The following ANKRD44 variants were observed in gnomAD, a reference collection of about 807,000 sequenced individuals.
The protein encoded by ANKRD44 is ankyrin repeat domain 44.
ANKRD44 carries 35 observed loss-of-function variants against 116.0 expected under a neutral mutation model. That is an observed-to-expected ratio of 0.30 (90% CI 0.23 to 0.40). ANKRD44 has a LOEUF of 0.40. Among genes scored for constraint, ANKRD44 ranks in the 10% least tolerant of loss-of-function variants. The pLI is 1.00. For synonymous variants in ANKRD44, 435 were observed against 461.8 expected (o/e 0.94, Z 0.74); for missense variants, 1,014 against 1,242.6 (o/e 0.82, Z 2.77).
At chr2:197,227,607 AAAC>A (rs2081748413) in intron 1 of ANKRD44, among the ~76,000 whole-genome samples, 2 of 151,912 alleles carry the variant, frequency 1.3e-5, no homozygotes, top group African/African-American at 4.8e-5. Flanking sequence ...TTACCAAAAA[AAAC>A]AAAAATCCTT....
At chr2:197,130,832 C>A (rs181576105) in intron 4 of ANKRD44, among the ~76,000 whole-genome samples, 3 of 152,282 alleles carry the variant, frequency 2.0e-5, no homozygotes, top group Non-Finnish European at 4.4e-5. Context: ...AAAATTTCAA[C>A]TGTAAAATAA....
intron 1 of ANKRD44, among the ~76,000 whole-genome samples, chr2:197,205,106 G>C (rs1186128994): frequency 6.6e-6 from 1 of 152,234 alleles, no homozygotes; most frequent in Middle Eastern, 3.2e-3. Flanking sequence ...CTGCACATTA[G>C]AAACTTGAAA....
At chr2:197,217,989 G>A (rs974168074) in intron 1 of ANKRD44, among the ~76,000 whole-genome samples, 3 of 152,124 alleles carry the variant, frequency 2.0e-5, no homozygotes, top group African/African-American at 7.2e-5. Flanking sequence ...GATAGAATAA[G>A]ATGGGCAATA....
At chr2:197,187,667 TC>T (rs2080715770) in intron 1 of ANKRD44, among the ~76,000 whole-genome samples, 1 of 151,974 alleles carries the variant, frequency 6.6e-6, no homozygotes, top group African/African-American at 2.4e-5. Flanking sequence ...TCTCTCTCTC[TC>T]TCTCTCTCTC....
At chr2:197,249,031 A>C (rs750906600) in intron 1 of ANKRD44, among the ~76,000 whole-genome samples, 2 of 152,140 alleles carry the variant, frequency 1.3e-5, no homozygotes, top group Non-Finnish European at 2.9e-5. Context: ...CCACACTTTG[A>C]AGGCTGAGAT....
At chr2:197,192,192 G>A (rs2080841031) in intron 1 of ANKRD44, among the ~76,000 whole-genome samples, 2 of 152,144 alleles carry the variant, frequency 1.3e-5, no homozygotes, top group Admixed American at 1.3e-4. Context: ...TGCATGCTCT[G>A]TACTAATGAA....
intron 16 of ANKRD44, among the ~76,000 whole-genome samples, chr2:197,051,534 T>C (rs149926538): frequency 0.02 from 3,051 of 152,296 alleles, 80 homozygotes; most frequent in African/African-American, 0.061. Context: ...GCTAGGACTA[T>C]AGGTGTTACA....
intron 9 of ANKRD44, among the ~76,000 whole-genome samples, chr2:197,107,085 G>A (rs1204523886): frequency 1.3e-5 from 2 of 152,176 alleles, no homozygotes; most frequent in African/African-American, 2.4e-5. Context: ...ACATTTGCCA[G>A]TTTAGAAGTA....
chr2:197,040,376 CTTTTTT>C (rs56405646), intron 16 of ANKRD44, among the ~76,000 whole-genome samples: 6 of 122,692 alleles, frequency 4.9e-5, no homozygotes, highest in African/African-American at 1.8e-4. Context: ...GGAGGTAAGC[CTTTTTT>C]TTTTTTTTTT....
chr2:197,108,831 G>A (rs527938872), intron 9 of ANKRD44, among the ~76,000 whole-genome samples: 2 of 141,526 alleles, frequency 1.4e-5, no homozygotes, highest in African/African-American at 2.6e-5. Flanking sequence ...GAGTGAGAAA[G>A]TGTCTTAAAA....
chr2:197,270,354 C>T (rs2082863603), intron 1 of ANKRD44, among the ~76,000 whole-genome samples: 1 of 152,082 alleles, frequency 6.6e-6, no homozygotes, highest in African/African-American at 2.4e-5. Flanking sequence ...GACTTGGCAA[C>T]TCATGAGATC....
chr2:197,024,472 A>G (rs2076553214), intron 17 of ANKRD44, among the ~76,000 whole-genome samples: 1 of 152,174 alleles, frequency 6.6e-6, no homozygotes, highest in Non-Finnish European at 1.5e-5. Context: ...GCAGCTGCTG[A>G]TGGCCAACTC....
intron 16 of ANKRD44, among the ~76,000 whole-genome samples, chr2:197,043,739 G>C (rs1217403889): frequency 1.3e-5 from 2 of 152,026 alleles, no homozygotes; most frequent in Non-Finnish European, 2.9e-5. Flanking sequence ...CTGGACAACA[G>C]CATGGTTGTC....
At chr2:197,115,158 A>T (rs1184318676) in intron 8 of ANKRD44, among the ~76,000 whole-genome samples, 1 of 152,140 alleles carries the variant, frequency 6.6e-6, no homozygotes, top group East Asian at 1.9e-4. Context: ...AAGAATTGAG[A>T]CCATGCACAG....
chr2:197,036,835 C>A (rs545749429), intron 16 of ANKRD44, among the ~76,000 whole-genome samples: 1 of 152,146 alleles, frequency 6.6e-6, no homozygotes, highest in East Asian at 1.9e-4. Context: ...ATACTTTTGA[C>A]CTAGTAAACC....
rs561264977 is a variant in ANKRD44, at chr2:197,274,931, GA to G, written c.27+35646del. Among the ~76,000 whole-genome samples the G allele has an allele frequency of 8.7e-5, 13 of 149,498 alleles. No homozygotes were observed. In the South Asian group the frequency reaches 1.9e-3, roughly 22 times the overall value. ...CAATATAGAGAAACCCCATCTCTATGAAAAAAAAACAAAAACAAAAATTAGC... is the reference window on the plus strand; with the variant it reads ...CAATATAGAGAAACCCCATCTCTATGAAAAAAAACAAAAACAAAAATTAGC... On this transcript the variant is annotated intron_variant, in intron 1 of 27. Coordinates refer to ENST00000282272, the MANE Select transcript of ANKRD44 (RefSeq NM_001195144.2).
chr2:197,113,986 G>A (rs1299811827), intron 8 of ANKRD44, among the ~76,000 whole-genome samples: 1 of 152,164 alleles, frequency 6.6e-6, no homozygotes, highest in East Asian at 1.9e-4. Flanking sequence ...CATGGTATGG[G>A]TGTAAAGGGA....
At chr2:196,991,958 G>C (rs2075926163) in intron 27 of ANKRD44, among the ~76,000 whole-genome samples, 1 of 152,188 alleles carries the variant, frequency 6.6e-6, no homozygotes, top group South Asian at 2.1e-4. Flanking sequence ...ATGGATGTGA[G>C]AAAATTACTA....
At chr2:197,253,148 T>C (rs1282975541) in intron 1 of ANKRD44, among the ~76,000 whole-genome samples, 1 of 152,222 alleles carries the variant, frequency 6.6e-6, no homozygotes, top group Non-Finnish European at 1.5e-5. Flanking sequence ...TGTATAACGA[T>C]GGTACAACCA....
Sources: allele counts gnomAD v4.1 joint callset (sites outside exome capture counted in the v4.1 genomes callset), GRCh38; gene constraint gnomAD v4.1.1; transcripts MANE v1.5; gene names NCBI Gene and HGNC (gene_info 2026-07-23, HGNC 2026-07-21).